CNTN4: variants seen among roughly 807,000 people sequenced by gnomAD.
CNTN4 encodes contactin 4, also known as contactin-4.
A neutral mutation model predicts 122.5 loss-of-function variants in CNTN4; 77 were observed. That is an observed-to-expected ratio of 0.63 (90% CI 0.52 to 0.76). The LOEUF (loss-of-function observed/expected upper bound fraction) is 0.76. Among genes scored for constraint, CNTN4 ranks in the 30% least tolerant of loss-of-function variants. The probability of loss-of-function intolerance (pLI) is 0.00; values close to 1 mark genes in which losing one functional copy is unlikely to be tolerated. For missense variants in CNTN4, 1,256 were observed against 1,259.1 expected, an observed-to-expected ratio of 1.00 and a Z score of 0.04; for synonymous variants, 512 against 447.0, an observed-to-expected ratio of 1.15 and a Z score of -1.83.
At chr3:2,852,580 T>C (rs1304821019) in intron 7 of CNTN4, among the ~76,000 whole-genome samples, 1 of 152,218 alleles carries the variant, frequency 6.6e-6, no homozygotes, top group Non-Finnish European at 1.5e-5. Flanking sequence ...TTGGCTACAG[T>C]ATTGCACGTG....
intron 13 of CNTN4, among the ~76,000 whole-genome samples, chr3:2,957,208 A>G (rs1372089369): frequency 6.6e-6 from 1 of 152,114 alleles, no homozygotes; most frequent in Non-Finnish European, 1.5e-5. Context: ...TTTTTGAACA[A>G]CCGTACTATT....
chr3:2,537,850 G>A (rs543152399), intron 3 of CNTN4, among the ~76,000 whole-genome samples: 10 of 151,820 alleles, frequency 6.6e-5, no homozygotes, highest in Non-Finnish European at 5.9e-5. Context: ...AAAGTAATTG[G>A]GGGTACATCT....
At chr3:2,391,430 G>A (rs1308698310) in intron 3 of CNTN4, among the ~76,000 whole-genome samples, 1 of 152,154 alleles carries the variant, frequency 6.6e-6, no homozygotes, top group African/African-American at 2.4e-5. Flanking sequence ...GAGAAACCCA[G>A]AGAAAGATGG....
intron 4 of CNTN4, among the ~76,000 whole-genome samples, chr3:2,711,988 A>G (rs1319701123): frequency 6.6e-6 from 1 of 152,152 alleles, no homozygotes; most frequent in Non-Finnish European, 1.5e-5. Context: ...AATGTTATTT[A>G]TGGGATAGTT....
intron 4 of CNTN4, among the ~76,000 whole-genome samples, chr3:2,599,088 G>A (rs531464435): frequency 2.0e-5 from 3 of 152,214 alleles, no homozygotes; most frequent in East Asian, 1.9e-4. Context: ...ATTAAAAATA[G>A]CAACACTGTA....
chr3:3,052,563 A>G (rs924259575), intron 23 of CNTN4, among the ~76,000 whole-genome samples: 2 of 152,160 alleles, frequency 1.3e-5, no homozygotes, highest in African/African-American at 4.8e-5. Flanking sequence ...TAGTGGTTCT[A>G]TAGGTAAAGG....
At chr3:2,665,326 C>T (rs1201708058) in intron 4 of CNTN4, among the ~76,000 whole-genome samples, 2 of 152,144 alleles carry the variant, frequency 1.3e-5, no homozygotes, top group African/African-American at 2.4e-5. Flanking sequence ...ATGAGCTTTA[C>T]TAGTTTAGGA....
intron 3 of CNTN4, among the ~76,000 whole-genome samples, chr3:2,570,605 C>G (rs1559249671): frequency 6.6e-6 from 1 of 152,174 alleles, no homozygotes; most frequent in Non-Finnish European, 1.5e-5. Flanking sequence ...TTCCACATTA[C>G]CCATCTGCTT....
intron 3 of CNTN4, among the ~76,000 whole-genome samples, chr3:2,363,595 A>G (rs532994687): frequency 1.3e-5 from 2 of 152,098 alleles, no homozygotes; most frequent in East Asian, 1.9e-4. Flanking sequence ...AGGGTGTCTC[A>G]GTTAGTAATT....
chr3:2,411,629 C>G (rs1436255969), intron 3 of CNTN4, among the ~76,000 whole-genome samples: 1 of 152,122 alleles, frequency 6.6e-6, no homozygotes, highest in Non-Finnish European at 1.5e-5. Flanking sequence ...AATCGCTTCC[C>G]TGCCTGCTGC....
At chr3:2,238,512 T>C (rs1024134872) in intron 2 of CNTN4, among the ~76,000 whole-genome samples, 2 of 151,890 alleles carry the variant, frequency 1.3e-5, no homozygotes, top group East Asian at 1.9e-4. Flanking sequence ...TTAGAAAATA[T>C]CTTAAATTTG....
At chr3:2,674,122 C>G (rs149790680) in intron 4 of CNTN4, among the ~76,000 whole-genome samples, 13 of 152,256 alleles carry the variant, frequency 8.5e-5, no homozygotes, top group East Asian at 5.8e-4. Context: ...TTGTTTTAAC[C>G]GCTCAGTTTT....
At position 2,794,745 on chromosome 3, in the gene CNTN4, C is replaced by CAGTTAAACAAAGGAA. The variant is rs1559510733; in HGVS notation, c.359-24740_359-24739insGTTAAACAAAGGAAA. Reference sequence around the variant, plus strand: ...TGTGGGCTTACAAAGAAAGGAAATACATTTCTTACAGTTATGGAGCCTGGG... The same window carrying CAGTTAAACAAAGGAA: ...TGTGGGCTTACAAAGAAAGGAAATACAGTTAAACAAAGGAAATTTCTTACAGTTATGGAGCCTGGG... On this transcript the variant is annotated intron_variant, in intron 6 of 24. Transcript: ENST00000418658. 6.6e-5 allele frequency among the ~76,000 whole-genome samples: 10 copies of CAGTTAAACAAAGGAA among 152,336 alleles called. No individual in the cohort carries two copies. In the East Asian group the frequency reaches 1.9e-3, roughly 29 times the overall value.
Position 2,840,028 on chromosome 3 carries a change from C to T in CNTN4, c.454+20447C>T, listed in dbSNP as rs188360777. Among the ~76,000 whole-genome samples the T allele has an allele frequency of 3.9e-4, 59 of 152,244 alleles. 1 individual carries two copies. In the South Asian group the frequency reaches 6.8e-3, roughly 18 times the overall value. ...AAATAGGAGCCAAGATCTCTGGTGA[C>T]GTTCCTATAGGCACAGCTTCCAAAA... On this transcript the variant is annotated intron_variant, in intron 7 of 24. Coordinates refer to ENST00000418658, the MANE Select transcript of CNTN4 (RefSeq NM_175607.3).
chr3:2,122,361 A>G (rs1211806844), intron 2 of CNTN4, among the ~76,000 whole-genome samples: 2 of 152,128 alleles, frequency 1.3e-5, no homozygotes, highest in African/African-American at 4.8e-5. Flanking sequence ...TTGTCAGTTA[A>G]AAAAATCTGA....
chr3:2,119,001 A>C (rs1434139908), intron 2 of CNTN4, among the ~76,000 whole-genome samples: 1 of 152,226 alleles, frequency 6.6e-6, no homozygotes, highest in Non-Finnish European at 1.5e-5. Context: ...TATTTGGTCA[A>C]ACATGTCTGG....
intron 6 of CNTN4, among the ~76,000 whole-genome samples, chr3:2,810,154 C>G (rs2092570169): frequency 6.6e-6 from 1 of 152,096 alleles, no homozygotes; most frequent in African/African-American, 2.4e-5. Flanking sequence ...AATCCGGATT[C>G]TAATCTAAGC....
At chr3:2,196,548 C>T (rs1322615006) in intron 2 of CNTN4, among the ~76,000 whole-genome samples, 1 of 152,112 alleles carries the variant, frequency 6.6e-6, no homozygotes, top group Non-Finnish European at 1.5e-5. Flanking sequence ...CATGTAACCT[C>T]TGATTTATTT....
chr3:2,988,448 A>C lies in CNTN4; in HGVS notation c.1462A>C (p.Ser488Arg). Reference protein sequence around the residue: ...IATNHFGTASSTGNLVVKDPT... With the variant: ...IATNHFGTASRTGNLVVKDPT... ...CACTAACCATTTTGGAACTGCTAGC[A>C]GTACTGGAAACTTGGTAGTGAAAGG... The change falls in exon 14 of 25, where the codon AGT (serine) becomes CGT (arginine). Residue 488 changes from serine to arginine, a missense_variant. Coordinates refer to ENST00000418658, the MANE Select transcript of CNTN4 (RefSeq NM_175607.3). 6.2e-7 allele frequency: 1 copy of C among 1,613,848 alleles called. No individual in the cohort carries two copies. The highest frequency in any genetic ancestry group is 1.1e-5 in the South Asian group (1 of 91,070).
Sources: gnomAD v4.1 joint callset for allele counts (sites outside exome capture counted in the v4.1 genomes callset) on GRCh38, gnomAD v4.1.1 for gene constraint, MANE v1.5 for transcripts, NCBI Gene and HGNC (gene_info 2026-07-23, HGNC 2026-07-21) for gene names.